ALPK2: variants seen among roughly 807,000 people sequenced by gnomAD.
The protein encoded by ALPK2 is alpha-protein kinase 2.
A neutral mutation model predicts 163.1 loss-of-function variants in ALPK2; 127 were observed. That is an observed-to-expected ratio of 0.78 (90% confidence interval 0.67 to 0.90). ALPK2 has a LOEUF of 0.90. Ranked by LOEUF, ALPK2 falls within the 40% of genes least tolerant of loss-of-function variation. The pLI is 0.00. For missense variants in ALPK2, 2,360 were observed against 2,589.6 expected (o/e 0.91, Z 1.92); for synonymous variants, 953 against 959.1 (o/e 0.99, Z 0.12).
At chr18:58,582,122 G>A (rs910480818) in intron 3 of ALPK2, among the ~76,000 whole-genome samples, 1 of 152,200 alleles carries the variant, frequency 6.6e-6, no homozygotes, top group African/African-American at 2.4e-5. Flanking sequence ...CTTGACCCAT[G>A]GCTGATACTG....
chr18:58,531,648 G>A (rs367620989), intron 5 of ALPK2, among the ~76,000 whole-genome samples: 43 of 103,574 alleles, frequency 4.2e-4, no homozygotes, highest in East Asian at 8.0e-4. Flanking sequence ...GTGATAAGTT[G>A]AAAAAAAAAA....
intron 6 of ALPK2, among the ~76,000 whole-genome samples, chr18:58,527,533 GA>G (rs2051590593): frequency 1.3e-5 from 2 of 152,184 alleles, no homozygotes; most frequent in South Asian, 4.1e-4. Context: ...ACATCAAATG[GA>G]AAAGGGACCC....
At chr18:58,604,183 TA>T (rs2052086194) in intron 3 of ALPK2, among the ~76,000 whole-genome samples, 1 of 152,152 alleles carries the variant, frequency 6.6e-6, no homozygotes, top group African/African-American at 2.4e-5. Context: ...TTCGAATATC[TA>T]AAAACTCAGA....
At chr18:58,505,209 C>G (rs1336322991) in intron 10 of ALPK2, among the ~76,000 whole-genome samples, 1 of 152,082 alleles carries the variant, frequency 6.6e-6, no homozygotes, top group African/African-American at 2.4e-5. Context: ...GTCCAGGGAG[C>G]TGGAGCGGTG....
intron 3 of ALPK2, among the ~76,000 whole-genome samples, chr18:58,601,994 C>T (rs1003162704): frequency 6.6e-6 from 1 of 152,172 alleles, no homozygotes; most frequent in African/African-American, 2.4e-5. Flanking sequence ...AGTAGCACCC[C>T]ACCCCCTCCT....
At chr18:58,487,011 G>A (rs1057162295) in intron 12 of ALPK2, among the ~76,000 whole-genome samples, 4 of 152,220 alleles carry the variant, frequency 2.6e-5, no homozygotes, top group Non-Finnish European at 1.5e-5. Flanking sequence ...GGAGCTGTAG[G>A]CCATCTCTCC....
chr18:58,584,558 A>G (rs149935008), intron 3 of ALPK2, among the ~76,000 whole-genome samples: 2 of 152,222 alleles, frequency 1.3e-5, no homozygotes, highest in Non-Finnish European at 2.9e-5. Context: ...TCATTCTGCA[A>G]ATAAAGTGTT....
At chr18:58,611,511 C>T (rs1442161259) in intron 2 of ALPK2, among the ~76,000 whole-genome samples, 178 bp downstream of exon 2, 1 of 152,110 alleles carries the variant, frequency 6.6e-6, no homozygotes, top group Non-Finnish European at 1.5e-5. Flanking sequence ...CAGGAAGTCA[C>T]TCAAAGAAAT....
At chr18:58,550,597 C>G (rs2088126717) in intron 4 of ALPK2, among the ~76,000 whole-genome samples, 1 of 150,014 alleles carries the variant, frequency 6.7e-6, no homozygotes, top group Non-Finnish European at 1.5e-5. Flanking sequence ...ACAACCCATC[C>G]CCATCTATAT....
chr18:58,589,902 G>A (rs1406904411), intron 3 of ALPK2, among the ~76,000 whole-genome samples: 1 of 152,202 alleles, frequency 6.6e-6, no homozygotes, highest in African/African-American at 2.4e-5. Flanking sequence ...AGAAGAAGCT[G>A]AAGTATTGGC....
At chr18:58,603,463 A>G (rs1408218733) in intron 3 of ALPK2, among the ~76,000 whole-genome samples, 2 of 152,122 alleles carry the variant, frequency 1.3e-5, no homozygotes, top group African/African-American at 4.8e-5. Flanking sequence ...TTGATGAGAG[A>G]GCAGAGATGC....
At chr18:58,532,189 T>C (rs2051619489) in intron 5 of ALPK2, among the ~76,000 whole-genome samples, 1 of 152,200 alleles carries the variant, frequency 6.6e-6, no homozygotes, top group African/African-American at 2.4e-5. Flanking sequence ...CAAGCAGTTA[T>C]TTCCCATCAG....
intron 12 of ALPK2, among the ~76,000 whole-genome samples, chr18:58,491,010 G>A (rs2144100031): frequency 6.6e-6 from 1 of 152,362 alleles, no homozygotes; most frequent in South Asian, 2.1e-4. Flanking sequence ...GTTGTAGGTA[G>A]ACACCCACCA....
At chr18:58,485,835 G>C (rs2051336146) in intron 12 of ALPK2, among the ~76,000 whole-genome samples, 1 of 152,216 alleles carries the variant, frequency 6.6e-6, no homozygotes, top group Admixed American at 6.5e-5. Context: ...TCCTCAAATG[G>C]GGAGTGTCAC....
chr18:58,571,975 C>CAAAAAA (rs35927788), intron 4 of ALPK2, among the ~76,000 whole-genome samples: 3 of 66,610 alleles, frequency 4.5e-5, no homozygotes, highest in South Asian at 6.5e-4. Flanking sequence ...GACTCCATCT[C>CAAAAAA]AAAAAAAAAA....
At chr18:58,486,231 A>G (rs35259614) in intron 12 of ALPK2, among the ~76,000 whole-genome samples, 26,707 of 152,186 alleles carry the variant, frequency 0.18, 2,607 homozygotes, top group Non-Finnish European at 0.22. Flanking sequence ...AGCAGAGGCT[A>G]AGATGGCTGT....
In ALPK2 at chr18:58,615,922, T is replaced by C. The variant is rs1025705350; in HGVS notation, c.-20-4105A>G. ...TATTTGACTCACATAGTCAGTTTAG[T>C]GACCACATATCTGAGCCACAGAGCA... is the stretch of plus-strand genomic sequence containing the variant. On this transcript the variant is annotated intron_variant, in intron 1 of 12. Transcript: ENST00000361673. Among the ~76,000 whole-genome samples the C allele has an allele frequency of 2.0e-5, 3 of 152,216 alleles. No individual in the cohort carries two copies. The East Asian group carries it at 5.8e-4, about 29-fold the overall frequency.
In ALPK2 at chr18:58,536,556, C is replaced by T. The variant is rs80083249; in HGVS notation, c.3631G>A (p.Val1211Ile). The T allele has an allele frequency of 4.7e-4, 754 of 1,614,014 alleles. 2 individuals carry two copies. The African/African-American group carries it at 9.1e-3, about 19-fold the overall frequency. ...GEEDSQALSN[V>I]PSLSDILLEE... is the part of the protein sequence containing the mutation. ...AAAAGGATATCAGAGAGAGATGGAA[C>T]GTTGCTCAGAGCCTGACTGTCTTCT... Residue 1211 changes from valine (V) to isoleucine (I), a missense_variant, in exon 5 of 13, where the codon GTT becomes ATT. Physicochemically the swap from Val to Ile is conservative, Grantham distance 29 (BLOSUM62 3). Coordinates refer to ENST00000361673, the MANE Select transcript of ALPK2 (RefSeq NM_052947.4).
chr18:58,539,816 G>A (rs1405364726), intron 4 of ALPK2, among the ~76,000 whole-genome samples: 1 of 152,166 alleles, frequency 6.6e-6, no homozygotes, highest in Non-Finnish European at 1.5e-5. Flanking sequence ...TGTATGTACT[G>A]CCCGTGGGAA....
Sources: gnomAD v4.1 joint callset for allele counts (sites outside exome capture counted in the v4.1 genomes callset) on GRCh38, gnomAD v4.1.1 for gene constraint, MANE v1.5 for transcripts, NCBI Gene and HGNC (gene_info 2026-07-23, HGNC 2026-07-21) for gene names.